RAB3B: variants seen among roughly 807,000 people sequenced by gnomAD.
The protein encoded by RAB3B is ras-related protein Rab-3B.
In RAB3B, 11 loss-of-function variants were observed where a neutral mutation model predicts 20.5. The ratio of observed to expected loss-of-function variants is 0.54; its 90% CI spans 0.34 to 0.89. RAB3B has a LOEUF of 0.89. RAB3B is among the 40% of genes least tolerant of loss of function. RAB3B has a pLI of 0.02. For synonymous variants in RAB3B, 99 were observed against 106.3 expected, an observed-to-expected ratio of 0.93 and a Z score of 0.42; for missense variants, 225 against 280.9, an observed-to-expected ratio of 0.80 and a Z score of 1.42.
At chr1:51,981,915 G>A (rs1234246632) in intron 1 of RAB3B, among the ~76,000 whole-genome samples, 1 of 152,140 alleles carries the variant, frequency 6.6e-6, no homozygotes, top group African/African-American at 2.4e-5. Context: ...GATAATAAAT[G>A]ACTATGTTAC....
intron 3 of RAB3B, among the ~76,000 whole-genome samples, chr1:51,934,620 A>T (rs998848998): frequency 6.6e-6 from 1 of 151,918 alleles, no homozygotes; most frequent in African/African-American, 2.4e-5. Context: ...AAATTAAAAA[A>T]AAAAAATTAG....
chr1:51,934,621 A>C (rs1684371601), intron 3 of RAB3B, among the ~76,000 whole-genome samples: 1 of 151,848 alleles, frequency 6.6e-6, no homozygotes, highest in African/African-American at 2.4e-5. Context: ...AATTAAAAAA[A>C]AAAAATTAGC....
intron 2 of RAB3B, 147 bp downstream of exon 2, chr1:51,976,743 A>G: frequency 1.5e-6 from 1 of 677,898 alleles, no homozygotes; most frequent in East Asian, 2.7e-5. Flanking sequence ...AAACTAGCAG[A>G]GGGTAGCCCA....
At chr1:51,976,165 T>C (rs969034552) in intron 2 of RAB3B, among the ~76,000 whole-genome samples, 10 of 151,874 alleles carry the variant, frequency 6.6e-5, no homozygotes, top group Admixed American at 2.0e-4. Context: ...TATTTATTTA[T>C]TTATTTATTT....
chr1:51,981,189 C>A (rs1044980364), intron 1 of RAB3B, among the ~76,000 whole-genome samples: 3 of 152,128 alleles, frequency 2.0e-5, no homozygotes, highest in Non-Finnish European at 4.4e-5. Flanking sequence ...TGCCACCATG[C>A]TCAGCTAATT....
Position 51,919,961 on chromosome 1 carries a change from G to A in RAB3B, c.626C>T (p.Thr209Ile), listed in dbSNP as rs1557960924. ...GCAGTTCTGCTGCAGCAGCGGTGGGGTGTCCGAGAGACGCGTGTTCTTGGA... is the reference window on the plus strand; with the variant it reads ...GCAGTTCTGCTGCAGCAGCGGTGGGATGTCCGAGAGACGCGTGTTCTTGGA... ...GSSKNTRLSD[T>I]PPLLQQNCSC is the part of the protein sequence containing the mutation. Residue 209 changes from threonine (T) to isoleucine (I), a missense_variant, in exon 5 of 5, where the codon ACC (threonine) becomes ATC (isoleucine). Physicochemically the swap from Thr to Ile is moderately conservative, Grantham distance 89. Coordinates refer to ENST00000371655, the MANE Select transcript of RAB3B (RefSeq NM_002867.4). 3.1e-6 allele frequency: 5 copies of A among 1,613,892 alleles called. No individual in the cohort carries two copies. Among genetic ancestry groups the A allele is most frequent in the Non-Finnish European group, 4.2e-6 (5 of 1,179,992 alleles).
intron 2 of RAB3B, among the ~76,000 whole-genome samples, chr1:51,958,257 T>G (rs1267624016): frequency 6.6e-6 from 1 of 152,150 alleles, no homozygotes; most frequent in Non-Finnish European, 1.5e-5. Context: ...GCCCACTTAG[T>G]CCATTTGTCA....
At position 51,989,208 on chromosome 1, in the gene RAB3B, T is replaced by TTTTGTG. The variant is rs1318914367; in HGVS notation, c.-1+1343_-1+1344insCACAAA. Reference sequence around the variant, plus strand: ...CCGGGGGAAGAGGGCCCATCTTGTTTTGTGTGTGTGTGTGTGTGTGTGTGT... The same window carrying TTTTGTG: ...CCGGGGGAAGAGGGCCCATCTTGTTTTTTGTGTGTGTGTGTGTGTGTGTGTGTGTGT... On this transcript the variant is annotated intron_variant, in intron 1 of 4. Transcript: ENST00000371655. Among the ~76,000 whole-genome samples, 62 of 99,870 alleles carry TTTTGTG rather than the reference T, an allele frequency of 6.2e-4. 1 individual carries two copies. The highest frequency in any genetic ancestry group is 2.2e-3 in the African/African-American group (51 of 23,168). 65.5% of individuals were successfully genotyped at this position (99,870 alleles called of 152,430 possible).
chr1:51,965,729 G>C (rs1684843006), intron 2 of RAB3B, among the ~76,000 whole-genome samples: 1 of 151,900 alleles, frequency 6.6e-6, no homozygotes, highest in Non-Finnish European at 1.5e-5. Flanking sequence ...ACGGTATCTT[G>C]GATTGGATCC....
At chr1:51,957,917 G>C (rs1197999698) in intron 2 of RAB3B, among the ~76,000 whole-genome samples, 1 of 152,206 alleles carries the variant, frequency 6.6e-6, no homozygotes, top group Non-Finnish European at 1.5e-5. Flanking sequence ...CACCGGTGGG[G>C]GAGGCCGGTA....
intron 2 of RAB3B, among the ~76,000 whole-genome samples, chr1:51,975,562 C>T (rs1684996575): frequency 6.6e-6 from 1 of 152,212 alleles, no homozygotes; most frequent in African/African-American, 2.4e-5. Flanking sequence ...ACATCTCTCA[C>T]TCTGGGAAAA....
intron 2 of RAB3B, among the ~76,000 whole-genome samples, chr1:51,965,814 AC>A: frequency 6.6e-6 from 1 of 152,196 alleles, no homozygotes; most frequent in Non-Finnish European, 1.5e-5. Flanking sequence ...ATCGTATTGT[AC>A]CAATGTCAAT....
At chr1:51,926,346 C>T (rs540902802) in intron 4 of RAB3B, among the ~76,000 whole-genome samples, 53 of 152,280 alleles carry the variant, frequency 3.5e-4, no homozygotes, top group African/African-American at 1.3e-3. Flanking sequence ...TTTATACCTC[C>T]ACATTACCAC....
chr1:51,950,093 C>T (rs2124274560), intron 2 of RAB3B, among the ~76,000 whole-genome samples: 1 of 152,184 alleles, frequency 6.6e-6, no homozygotes, highest in Admixed American at 6.5e-5. Flanking sequence ...AGGGGTGGGC[C>T]ATGAGTACTA....
At chr1:51,950,144 A>G (rs1056382556) in intron 2 of RAB3B, among the ~76,000 whole-genome samples, 1 of 152,186 alleles carries the variant, frequency 6.6e-6, no homozygotes, top group Non-Finnish European at 1.5e-5. Flanking sequence ...AGCATTATTC[A>G]AAAAGAACCA....
intron 4 of RAB3B, among the ~76,000 whole-genome samples, chr1:51,928,140 C>T (rs1358617080): frequency 1.3e-5 from 2 of 151,876 alleles, no homozygotes; most frequent in Non-Finnish European, 2.9e-5. Flanking sequence ...GAGTTTTGCT[C>T]TTGTTGCCCA....
At chr1:51,962,753 G>T (rs1273872841) in intron 2 of RAB3B, among the ~76,000 whole-genome samples, 1 of 152,092 alleles carries the variant, frequency 6.6e-6, no homozygotes, top group Non-Finnish European at 1.5e-5. Context: ...TCATCCGAAC[G>T]TTTCTTTTAC....
intron 1 of RAB3B, among the ~76,000 whole-genome samples, chr1:51,980,044 C>CA (rs199571767): frequency 5.5e-4 from 81 of 148,568 alleles, no homozygotes; most frequent in African/African-American, 1.7e-3. Context: ...TCCACCCCCC[C>CA]AAAAAAAAAA....
chr1:51,937,611 C>T (rs529523277), intron 2 of RAB3B, among the ~76,000 whole-genome samples, 199 bp from the exon 3 acceptor site: 4 of 152,056 alleles, frequency 2.6e-5, no homozygotes, highest in Non-Finnish European at 5.9e-5. Context: ...GATTCTCCTG[C>T]CTCAGCTTCC....
Sources: allele counts gnomAD v4.1 joint callset (sites outside exome capture counted in the v4.1 genomes callset), GRCh38; gene constraint gnomAD v4.1.1; transcripts MANE v1.5; gene names NCBI Gene and HGNC (gene_info 2026-07-23, HGNC 2026-07-21).